Variants in MAP4K5 observed in about 807,000 individuals in gnomAD.
The protein encoded by MAP4K5 is mitogen-activated protein kinase kinase kinase kinase 5, also known as MAPK/ERK kinase kinase kinase 5.
A neutral mutation model predicts 135.6 loss-of-function variants in MAP4K5; 82 were observed. That is an observed-to-expected ratio of 0.60 (90% CI 0.51 to 0.73). MAP4K5 has a LOEUF of 0.73. MAP4K5 is among the 30% of genes least tolerant of loss of function. The pLI, the probability that MAP4K5 is intolerant of heterozygous loss-of-function variation, is 0.00. For missense variants in MAP4K5, 907 were observed against 1,010.9 expected (o/e 0.90, Z 1.39); for synonymous variants, 347 against 335.0 (o/e 1.04, Z -0.39).
At chr14:50,442,295 T>C (rs1220271725) in intron 21 of MAP4K5, among the ~76,000 whole-genome samples, 2 of 152,090 alleles carry the variant, frequency 1.3e-5, no homozygotes, top group African/African-American at 4.8e-5. Flanking sequence ...ATGTTTGTTT[T>C]CTGAGCTGTT....
chr14:50,548,302 TGAA>T (rs376070148), intron 1 of MAP4K5, among the ~76,000 whole-genome samples: 16 of 152,254 alleles, frequency 1.1e-4, no homozygotes, highest in African/African-American at 3.9e-4. Flanking sequence ...TACACCCTAA[TGAA>T]GAAGAGTAAA....
intron 6 of MAP4K5, among the ~76,000 whole-genome samples, chr14:50,476,845 T>A (rs962666212): frequency 4.6e-5 from 7 of 152,224 alleles, no homozygotes; most frequent in Non-Finnish European, 1.0e-4. Flanking sequence ...TAATTACTCC[T>A]AAAAGTTTCC....
chr14:50,467,369 A>C (rs1263307193), intron 10 of MAP4K5, among the ~76,000 whole-genome samples: 1 of 152,042 alleles, frequency 6.6e-6, no homozygotes, highest in Non-Finnish European at 1.5e-5. Context: ...AATAAAAAAA[A>C]CTATATTCCC....
Position 50,423,710 on chromosome 14 carries a change from A to G in MAP4K5, c.2398-534T>C, listed in dbSNP as rs966608061. ...CTTGAGCCCAGGAGTTCAAGGATAC[A>G]GTGAACTATGATTGCACCACTGCAT... is the stretch of plus-strand genomic sequence containing the variant. On this transcript the variant is annotated intron_variant, in intron 31 of 32. Transcript: ENST00000682126. Among the ~76,000 whole-genome samples the G allele has an allele frequency of 2.6e-5, 4 of 152,188 alleles. No homozygotes were observed. In the East Asian group the frequency reaches 5.8e-4, roughly 22 times the overall value.
rs1595501199 is a variant in MAP4K5 at position 50,486,263 on chromosome 14, C to G, written c.167-69G>C. ...TACATATGAAAAGAAGGAAGGAAAA[C>G]TTTACAATAAATATTAGAGATGAGG... On this transcript the variant is annotated intron_variant, in intron 3 of 32. Coordinates refer to ENST00000682126, the MANE Select transcript of MAP4K5 (RefSeq NM_006575.6). 6 of 596,944 alleles carry G rather than the reference C, an allele frequency of 1.0e-5. No homozygotes were observed. The East Asian group carries it at 2.0e-4, about 20-fold the overall frequency. 37.0% of individuals were successfully genotyped at this position (596,944 alleles called of 1,614,324 possible). A position where few individuals can be genotyped will look rare whatever the true frequency, so the allele number is the denominator to read the frequency against.
At chr14:50,474,015 T>C (rs758012780) in intron 9 of MAP4K5, among the ~76,000 whole-genome samples, 23 of 152,156 alleles carry the variant, frequency 1.5e-4, no homozygotes, top group Non-Finnish European at 3.2e-4. Context: ...TGAACTTGAC[T>C]ATTTCCACAT....
intron 2 of MAP4K5, among the ~76,000 whole-genome samples, chr14:50,524,611 C>T (rs555488017): frequency 6.6e-6 from 1 of 151,324 alleles, no homozygotes; most frequent in African/African-American, 2.4e-5. Context: ...CAGAAAAGCC[C>T]CCCCACCGAG....
chr14:50,438,939 T>G (rs2036160260), intron 23 of MAP4K5, among the ~76,000 whole-genome samples: 2 of 152,074 alleles, frequency 1.3e-5, no homozygotes, highest in Admixed American at 1.3e-4. Context: ...GGATAAGCAG[T>G]AAGAGAGTTA....
intron 13 of MAP4K5, among the ~76,000 whole-genome samples, chr14:50,459,697 CT>C (rs2036667460): frequency 1.4e-5 from 2 of 142,176 alleles, no homozygotes; most frequent in Admixed American, 7.0e-5. Context: ...TTCTTTCTTT[CT>C]CTTTTTTTTT....
intron 12 of MAP4K5, 29 bp from the exon 13 acceptor site, chr14:50,462,810 A>C: frequency 7.7e-7 from 1 of 1,290,896 alleles, no homozygotes. Flanking sequence ...AAATTTCATG[A>C]GTATGCCTTT....
In MAP4K5 at chr14:50,448,785, G is replaced by C. The variant is rs777300393; in HGVS notation, c.1063C>G (p.Arg355Gly). The C allele has an allele frequency of 2.6e-6, 4 of 1,561,246 alleles. No homozygotes were observed. Among genetic ancestry groups the C allele is most frequent in the Non-Finnish European group, 3.5e-6 (4 of 1,148,664 alleles). The change falls in exon 15 of 33, where the codon CGA (arginine) becomes GGA (glycine). Residue 355 changes from arginine to glycine, a missense_variant. Physicochemically the swap from Arg to Gly is moderately radical, Grantham distance 125 (BLOSUM62 -2). Around this residue, in one of 3 missense-constraint regions of MAP4K5, gnomAD observed 690 missense variants for 777.4 expected, o/e 0.89. Transcript: ENST00000682126. ...EPPLRKETEA[R>G]DEMGLSSDPN... ...AAATGAATTCTTACCATTTCATCTC[G>C]TGCTTCTGTTTCTTTTCTCAGAGGA...
Position 50,486,096 on chromosome 14 carries a change from T to C in MAP4K5, c.257+8A>G, listed in dbSNP as rs980996175. On this transcript the variant is annotated splice_region_variant and intron_variant, in intron 4 of 32. Coordinates refer to ENST00000682126, the MANE Select transcript of MAP4K5 (RefSeq NM_006575.6). The stretch of plus-strand genomic sequence containing the variant: ...TACAGAGAGAGATGATGCTTTTTTT[T>C]CTCTTACCTAAGATAACTCCCAAAG... The C allele has an allele frequency of 1.3e-5, 14 of 1,107,952 alleles. No homozygotes were observed. The highest frequency in any genetic ancestry group is 3.2e-5 in the African/African-American group (2 of 62,618). 68.6% of individuals were successfully genotyped at this position (1,107,952 alleles called of 1,614,324 possible).
intron 30 of MAP4K5, among the ~76,000 whole-genome samples, chr14:50,427,107 G>A (rs1016549264): frequency 1.3e-5 from 2 of 151,950 alleles, no homozygotes; most frequent in African/African-American, 4.8e-5. Context: ...TTTTCCCCAG[G>A]AGGATTCCTG....
At chr14:50,519,161 T>C (rs2038095564) in intron 2 of MAP4K5, among the ~76,000 whole-genome samples, 1 of 151,136 alleles carries the variant, frequency 6.6e-6, no homozygotes, top group Non-Finnish European at 1.5e-5. Context: ...GTATATTTAC[T>C]GACAAAAAGT....
intron 2 of MAP4K5, among the ~76,000 whole-genome samples, chr14:50,540,263 G>C (rs769160593): frequency 7.2e-5 from 11 of 152,180 alleles, no homozygotes; most frequent in Non-Finnish European, 1.2e-4. Flanking sequence ...GAGTCTCTAG[G>C]AATGAATAAA....
At position 50,435,062 on chromosome 14, in the gene MAP4K5, C is replaced by T; in HGVS notation, c.1886G>A (p.Arg629Lys). The T allele has an allele frequency of 6.3e-7, 1 of 1,577,682 alleles. No individual in the cohort carries two copies. Among genetic ancestry groups the T allele is most frequent in the Non-Finnish European group, 8.7e-7 (1 of 1,153,592 alleles). ...TKGCHKCCIV[R>K]NPYTGHKYLC... ...GTATTTATGTCCCGTGTAAGGGTTT[C>T]TGACTGGAAAGAAATAAACAAACAA... Residue 629 changes from arginine (R) to lysine (K), a missense_variant, in exon 27 of 33, where the codon AGA becomes AAA. Arg to Lys is a conservative substitution (Grantham distance 26). Coordinates refer to ENST00000682126, the MANE Select transcript of MAP4K5 (RefSeq NM_006575.6).
At chr14:50,544,997 A>G (rs2038613000) in intron 1 of MAP4K5, among the ~76,000 whole-genome samples, 7 of 150,756 alleles carry the variant, frequency 4.6e-5, no homozygotes, top group African/African-American at 1.7e-4. Flanking sequence ...CCCTCACCAG[A>G]TTACTGAAGG....
At chr14:50,531,298 T>C (rs1217499568) in intron 2 of MAP4K5, among the ~76,000 whole-genome samples, 1 of 152,182 alleles carries the variant, frequency 6.6e-6, no homozygotes, top group Non-Finnish European at 1.5e-5. Flanking sequence ...TCATATCCAC[T>C]CTTGGTTATA....
rs551534258 is a variant in MAP4K5 at position 50,497,636 on chromosome 14, A to C, written c.166+7164T>G. Among the ~76,000 whole-genome samples, 7 of 152,286 alleles carry C rather than the reference A, an allele frequency of 4.6e-5. No homozygotes were observed. In the South Asian group the frequency reaches 1.5e-3, roughly 32 times the overall value. ...TATAGTTCCTGACTTTTTAACACTT[A>C]CACTACCTTCTCTGCTTATACTTTC... On this transcript the variant is annotated intron_variant, in intron 3 of 32. Transcript: ENST00000682126.
Sources: allele counts gnomAD v4.1 joint callset (sites outside exome capture counted in the v4.1 genomes callset), GRCh38; gene constraint gnomAD v4.1.1; regional missense constraint gnomAD v4.1.1; transcripts MANE v1.5; gene names NCBI Gene and HGNC (gene_info 2026-07-23, HGNC 2026-07-21).